The following ZFHX3 variants were observed in gnomAD, a reference collection of about 807,000 sequenced individuals.
ZFHX3 encodes the protein zinc finger homeobox protein 3.
In ZFHX3, 42 loss-of-function variants were observed where a neutral mutation model predicts 279.1. That is an observed-to-expected ratio of 0.15 (90% CI 0.12 to 0.19). ZFHX3 has a LOEUF of 0.19. Ranked by LOEUF, ZFHX3 falls within the 10% of genes least tolerant of loss-of-function variation. The pLI is 1.00. For synonymous variants in ZFHX3, 2,293 were observed against 1,957.8 expected (o/e 1.17, Z -4.52); for missense variants, 4,981 against 4,754.0 (o/e 1.05, Z -1.40).
At chr16:73,430,525 T>C (rs1256765225) in intron 3 of ZFHX3, among the ~76,000 whole-genome samples, 1 of 152,162 alleles carries the variant, frequency 6.6e-6, no homozygotes, top group Non-Finnish European at 1.5e-5. Flanking sequence ...CACATGGCGC[T>C]TCTGCGGGCA....
At chr16:73,443,115 C>T (rs546015335) in intron 3 of ZFHX3, among the ~76,000 whole-genome samples, 1 of 152,288 alleles carries the variant, frequency 6.6e-6, no homozygotes, top group African/African-American at 2.4e-5. Context: ...CAACACATGA[C>T]TTTTCAGAGG....
chr16:72,793,950 G>A lies in ZFHX3; in HGVS notation c.8732C>T (p.Thr2911Ile), dbSNP rs2143390731. The change falls in exon 9 of 10, where the codon ACA becomes ATA. Residue 2911 changes from threonine to isoleucine, a missense_variant. By Grantham distance (89) the Thr-to-Ile change is moderately conservative. Transcript: ENST00000268489. This position sits in a 1 kb window ranked among gnomAD's most constrained non-coding sequence, Gnocchi z 4.3. ...FYSKEYDNEG[T>I]VDYSETSSLA... is the part of the protein sequence containing the mutation. ...GCTTGAGGTTTCACTGTAGTCCACT[G>A]TACCTTCATTGTCATATTCCTTGCT... 2 of 1,614,204 alleles carry A rather than the reference G, an allele frequency of 1.2e-6. No homozygotes were observed. Among genetic ancestry groups the A allele is most frequent in the Non-Finnish European group, 1.7e-6 (2 of 1,180,036 alleles).
rs570521069 is a variant in ZFHX3 at position 73,038,575 on chromosome 16, C to T, written c.-50+9177G>A. Among the ~76,000 whole-genome samples the T allele has an allele frequency of 5.9e-5, 9 of 152,220 alleles. No homozygotes were observed. The East Asian group carries it at 1.7e-3, about 29-fold the overall frequency. ...TGAGACCAGAACATCATGGTGAAATCGTGGGTTGCTGAAAATATCTGTTTT... is the reference window on the plus strand; with the variant it reads ...TGAGACCAGAACATCATGGTGAAATTGTGGGTTGCTGAAAATATCTGTTTT... On this transcript the variant is annotated intron_variant, in intron 1 of 9. Coordinates refer to ENST00000268489, the MANE Select transcript of ZFHX3 (RefSeq NM_006885.4).
intron 1 of ZFHX3, among the ~76,000 whole-genome samples, chr16:73,040,441 A>T (rs1254939863): frequency 6.6e-6 from 1 of 152,176 alleles, no homozygotes; most frequent in Non-Finnish European, 1.5e-5. Flanking sequence ...AAGCCAGGAC[A>T]AGTCAGGCCT....
At chr16:73,536,139 G>C (rs755530996) in intron 2 of ZFHX3, among the ~76,000 whole-genome samples, 1 of 152,210 alleles carries the variant, frequency 6.6e-6, no homozygotes, top group Non-Finnish European at 1.5e-5. Context: ...GTTGGCTGGA[G>C]TTACACCAGT....
intron 1 of ZFHX3, among the ~76,000 whole-genome samples, chr16:73,028,339 C>G (rs1236647841): frequency 6.6e-6 from 1 of 152,160 alleles, no homozygotes; most frequent in South Asian, 2.1e-4. Context: ...ATCAAGGTGC[C>G]GGACAGTTGT....
intron 3 of ZFHX3, among the ~76,000 whole-genome samples, chr16:73,438,200 G>A (rs2018028415): frequency 1.3e-5 from 2 of 152,126 alleles, no homozygotes; most frequent in Non-Finnish European, 2.9e-5. Context: ...CCTGCAACTC[G>A]TAGCTCCAGA....
At chr16:73,112,011 T>C (rs1966381175) in intron 7 of ZFHX3, among the ~76,000 whole-genome samples, 1 of 151,898 alleles carries the variant, frequency 6.6e-6, no homozygotes, top group African/African-American at 2.4e-5. Flanking sequence ...GAGAACAGGT[T>C]TGCAGTTGTA....
intron 7 of ZFHX3, among the ~76,000 whole-genome samples, chr16:73,126,333 G>A (rs945156921): frequency 1.3e-5 from 2 of 152,172 alleles, no homozygotes; most frequent in Non-Finnish European, 2.9e-5. Context: ...CAAGCACTAG[G>A]TGATGAGGGC....
Position 72,787,158 on chromosome 16 carries a change from C to A in ZFHX3, c.*6G>T. ...TTCATTTGTTTGTATTGTTCATCTTCAAAGCTTACAATCTGAAGGTGTCCG... is the reference window on the plus strand; with the variant it reads ...TTCATTTGTTTGTATTGTTCATCTTAAAAGCTTACAATCTGAAGGTGTCCG... On this transcript the variant is annotated 3_prime_UTR_variant, in exon 10 of 10. Transcript: ENST00000268489. 6.8e-7 allele frequency: 1 copy of A among 1,481,348 alleles called. No individual in the cohort carries two copies. Among genetic ancestry groups the A allele is most frequent in the Non-Finnish European group, 9.0e-7 (1 of 1,109,112 alleles). 91.8% of individuals were successfully genotyped at this position (1,481,348 alleles called of 1,614,324 possible).
At chr16:73,640,565 A>C (rs1457776654) in intron 2 of ZFHX3, among the ~76,000 whole-genome samples, 1 of 152,214 alleles carries the variant, frequency 6.6e-6, no homozygotes, top group Non-Finnish European at 1.5e-5. Context: ...TATGAACAAT[A>C]AAAACTAGAA....
chr16:73,111,729 A>G (rs1966376945), intron 7 of ZFHX3, among the ~76,000 whole-genome samples: 1 of 151,470 alleles, frequency 6.6e-6, no homozygotes, highest in Admixed American at 6.6e-5. Flanking sequence ...AAGAAAAGAA[A>G]AGGACAGAGG....
chr16:73,444,847 C>T (rs755488819), intron 3 of ZFHX3, among the ~76,000 whole-genome samples: 1 of 147,344 alleles, frequency 6.8e-6, no homozygotes, highest in Non-Finnish European at 1.5e-5. Flanking sequence ...TGGCCGGGTG[C>T]GGTGGCTCAC....
chr16:73,642,795 C>T (rs1161687864), intron 2 of ZFHX3, among the ~76,000 whole-genome samples: 1 of 152,158 alleles, frequency 6.6e-6, no homozygotes, highest in Non-Finnish European at 1.5e-5. Flanking sequence ...ACATCTGCCT[C>T]TAAAGGTTAT....
intron 2 of ZFHX3, among the ~76,000 whole-genome samples, chr16:73,623,162 G>C (rs1018529283): frequency 3.9e-5 from 6 of 151,930 alleles, no homozygotes; most frequent in Non-Finnish European, 5.9e-5. Context: ...TCAGCCTCTC[G>C]AGTTGCTGGG....
At chr16:73,082,336 T>C (rs1242953540) in intron 8 of ZFHX3, among the ~76,000 whole-genome samples, 1 of 152,072 alleles carries the variant, frequency 6.6e-6, no homozygotes, top group Non-Finnish European at 1.5e-5. Flanking sequence ...GGCGCGATCT[T>C]GGCTCACTGC....
chr16:73,278,547 A>G (rs940865015), intron 4 of ZFHX3, among the ~76,000 whole-genome samples: 3 of 152,230 alleles, frequency 2.0e-5, no homozygotes, highest in Admixed American at 6.5e-5. Context: ...AAAAGAACAA[A>G]GCTTCCACAC....
intron 4 of ZFHX3, among the ~76,000 whole-genome samples, chr16:73,289,390 A>T (rs1042773637): frequency 7.2e-5 from 11 of 151,810 alleles, no homozygotes; most frequent in Non-Finnish European, 1.6e-4. Context: ...TTTGGTGGGG[A>T]TGTAAGAGGG....
At chr16:73,466,138 G>A (rs953938728) in intron 2 of ZFHX3, among the ~76,000 whole-genome samples, 1 of 151,872 alleles carries the variant, frequency 6.6e-6, no homozygotes, top group Non-Finnish European at 1.5e-5. Flanking sequence ...TACAAAGCAG[G>A]AGGCCCACAT....
Sources: allele counts gnomAD v4.1 joint callset (sites outside exome capture counted in the v4.1 genomes callset), GRCh38; gene constraint gnomAD v4.1.1; non-coding constraint Gnocchi (gnomAD v3.1); transcripts MANE v1.5; gene names NCBI Gene and HGNC (gene_info 2026-07-23, HGNC 2026-07-21).